WDR44: variants seen among roughly 807,000 people sequenced by gnomAD.
The protein encoded by WDR44 is WD repeat domain 44.
Under a neutral mutation model 65.7 loss-of-function variants are expected in WDR44, and 9 were observed. That is an observed-to-expected ratio of 0.14 (90% confidence interval 0.08 to 0.24). The LOEUF (loss-of-function observed/expected upper bound fraction) is 0.24. WDR44 is among the 10% of genes least tolerant of loss of function. WDR44 has a pLI of 1.00. For missense variants in WDR44, 425 were observed against 670.9 expected, an observed-to-expected ratio of 0.63 and a Z score of 4.05; for synonymous variants, 220 against 235.2, an observed-to-expected ratio of 0.94 and a Z score of 0.59.
chrX:118,369,563 A>G (rs1389198346), intron 1 of WDR44, among the ~76,000 whole-genome samples: 75 of 82,063 alleles, frequency 9.1e-4, no homozygotes, highest in Middle Eastern at 0.022. Flanking sequence ...TCCGCCTCCC[A>G]GGTTCACGCC....
At chrX:118,432,483 T>G (rs760788673) in intron 12 of WDR44, among the ~76,000 whole-genome samples, 1 of 111,800 alleles carries the variant, frequency 8.9e-6, no homozygotes, top group African/African-American at 3.2e-5. Flanking sequence ...CAATCATGAT[T>G]CACTCGCTGG....
chrX:118,420,678 C>G (rs991267654), intron 12 of WDR44, among the ~76,000 whole-genome samples: 42 of 112,240 alleles, frequency 3.7e-4, no homozygotes, highest in African/African-American at 1.4e-3. Flanking sequence ...CCAGCCGTGC[C>G]TGATACAGGT....
intron 1 of WDR44, among the ~76,000 whole-genome samples, chrX:118,356,033 A>G (rs2056455329): frequency 8.9e-6 from 1 of 112,217 alleles, no homozygotes; most frequent in Admixed American, 9.5e-5. Context: ...GAATGTGTTC[A>G]CAGTAAGAAA....
intron 1 of WDR44, among the ~76,000 whole-genome samples, chrX:118,349,953 ATT>A (rs11300990): frequency 4.2e-4 from 42 of 99,461 alleles, no homozygotes; most frequent in Admixed American, 1.2e-3. Context: ...CTAGTCCAGT[ATT>A]TTTTTTTTTT....
intron 14 of WDR44, among the ~76,000 whole-genome samples, chrX:118,439,907 G>A (rs1035088329): frequency 4.6e-5 from 5 of 108,909 alleles, no homozygotes; most frequent in Admixed American, 4.0e-4. Flanking sequence ...ATCACTTGAG[G>A]CCAGGAGTTT....
intron 3 of WDR44, among the ~76,000 whole-genome samples, chrX:118,391,144 A>G (rs2056816540): frequency 8.9e-6 from 1 of 112,024 alleles, no homozygotes; most frequent in African/African-American, 3.2e-5. Flanking sequence ...CAGGTTATAA[A>G]AGTGCTGGGT....
chrX:118,421,018 C>CT (rs2057100770), intron 12 of WDR44, among the ~76,000 whole-genome samples: 1 of 111,556 alleles, frequency 9.0e-6, no homozygotes. Context: ...GAATTCCTGC[C>CT]TGTGGACCTT....
intron 4 of WDR44, among the ~76,000 whole-genome samples, 161 bp from the exon 5 acceptor site, chrX:118,393,894 T>G (rs986622046): frequency 1.8e-4 from 20 of 111,802 alleles, no homozygotes; most frequent in African/African-American, 6.5e-4. Context: ...TGCATCTTTT[T>G]TTTGTATGAG....
intron 8 of WDR44, 63 bp downstream of exon 8, chrX:118,398,533 C>T: frequency 2.1e-6 from 2 of 938,568 alleles, no homozygotes; most frequent in Admixed American, 4.9e-5. Flanking sequence ...ATGAGAACTA[C>T]CATACTATTT....
intron 1 of WDR44, among the ~76,000 whole-genome samples, chrX:118,361,790 A>G (rs1317364754): frequency 3.6e-5 from 4 of 111,750 alleles, no homozygotes; most frequent in African/African-American, 1.3e-4. Flanking sequence ...CACTTACACC[A>G]TTATTTTAAG....
intron 12 of WDR44, among the ~76,000 whole-genome samples, chrX:118,426,423 C>T (rs987279180): frequency 9.0e-5 from 10 of 111,582 alleles, no homozygotes; most frequent in South Asian, 3.8e-4. Flanking sequence ...AGACAGTGGC[C>T]GGGCATGGTG....
At chrX:118,378,698 G>T (rs1465450421) in intron 2 of WDR44, among the ~76,000 whole-genome samples, 4 of 98,895 alleles carry the variant, frequency 4.0e-5, no homozygotes, top group Non-Finnish European at 7.9e-5. Flanking sequence ...ATAATATCTA[G>T]AATAAAAGAA....
chrX:118,378,735 T>TGTGTGTGTGTG (rs1556057149), intron 2 of WDR44, among the ~76,000 whole-genome samples: 5 of 106,456 alleles, frequency 4.7e-5, no homozygotes, highest in African/African-American at 7.0e-5. Context: ...TGTGTGTGTG[T>TGTGTGTGTGTG]TGAAAAAGTG....
At chrX:118,439,939 G>A (rs920799659) in intron 14 of WDR44, among the ~76,000 whole-genome samples, 3 of 108,390 alleles carry the variant, frequency 2.8e-5, no homozygotes, top group Non-Finnish European at 3.8e-5. Flanking sequence ...GGGCAACATA[G>A]GGAGACCCCA....
chrX:118,396,931 G>C (rs1448691047), intron 6 of WDR44, 39 bp from the exon 7 acceptor site: 2 of 1,129,834 alleles, frequency 1.8e-6, no homozygotes, highest in Non-Finnish European at 2.3e-6. Flanking sequence ...TTAAATTGCA[G>C]GTCATCTTGG....
Position 118,367,214 on chromosome X carries a change from A to G in WDR44, c.78-11205A>G, listed in dbSNP as rs768277572. On this transcript the variant is annotated intron_variant, in intron 1 of 19. Coordinates refer to ENST00000254029, the MANE Select transcript of WDR44 (RefSeq NM_019045.5). ...AACATGTTGTATATTTGGGTTTATA[A>G]TATTATTCTCCCAATTTTGTATATA... Among the ~76,000 whole-genome samples the G allele has an allele frequency of 2.0e-4, 23 of 112,259 alleles. 1 individual carries two copies. Among genetic ancestry groups the G allele is most frequent in the African/African-American group, 6.5e-4 (20 of 30,987 alleles).
intron 19 of WDR44, 98 bp downstream of exon 19, chrX:118,444,592 ATTTCTTT>A (rs72451285): frequency 0.12 from 116,235 of 993,395 alleles, 6,245 homozygotes; most frequent in Admixed American, 0.31. Context: ...TATAAAGAAT[ATTTCTTT>A]TTTCTTTTTT....
intron 4 of WDR44, 120 bp from the exon 5 acceptor site, chrX:118,393,935 G>A: frequency 1.6e-6 from 1 of 618,475 alleles, no homozygotes; most frequent in African/African-American, 2.3e-5. Context: ...TAAATAACTT[G>A]TTTGAACCAT....
At chrX:118,404,289 T>C in intron 8 of WDR44, 49 bp from the exon 9 acceptor site, 1 of 947,047 alleles carries the variant, frequency 1.1e-6, no homozygotes, top group Middle Eastern at 2.8e-4. Context: ...CTGCAAATTA[T>C]TGGACTTTTA....
Sources: allele counts gnomAD v4.1 joint callset (sites outside exome capture counted in the v4.1 genomes callset), GRCh38; gene constraint gnomAD v4.1.1; transcripts MANE v1.5; gene names NCBI Gene and HGNC (gene_info 2026-07-23, HGNC 2026-07-21).